The following PCDHA9 variants were observed in gnomAD, a reference collection of about 807,000 sequenced individuals.
PCDHA9 encodes the protein protocadherin alpha 9, also known as protocadherin alpha-9.
PCDHA9 carries 62 observed loss-of-function variants against 62.0 expected under a neutral mutation model. That is an observed-to-expected ratio of 1.00 (90% confidence interval 0.81 to 1.23). The LOEUF is 1.23. Ranked by LOEUF, PCDHA9 falls within the 50% of genes most tolerant of loss-of-function variation. The pLI, the probability that PCDHA9 is intolerant of heterozygous loss-of-function variation, is 0.00. For synonymous variants in PCDHA9, 557 were observed against 567.6 expected (o/e 0.98, Z 0.27); for missense variants, 1,205 against 1,249.8 (o/e 0.96, Z 0.54).
intron 1 of PCDHA9, among the ~76,000 whole-genome samples, chr5:140,881,835 G>A (rs1048266615): frequency 2.6e-5 from 4 of 152,124 alleles, no homozygotes; most frequent in Non-Finnish European, 5.9e-5. Context: ...AGTTCTGCAT[G>A]GAATTCTTAC....
At chr5:140,870,660 G>A (rs782219391) in intron 1 of PCDHA9, 3 of 1,612,516 alleles carry the variant, frequency 1.9e-6, no homozygotes, top group Non-Finnish European at 2.5e-6. Context: ...TGTACGCGCT[G>A]CAGCCGTTGG....
At chr5:140,974,804 A>G (rs2096641388) in intron 1 of PCDHA9, among the ~76,000 whole-genome samples, 1 of 152,204 alleles carries the variant, frequency 6.6e-6, no homozygotes, top group Non-Finnish European at 1.5e-5. Context: ...TTGATATACT[A>G]GAAGACCAAT....
chr5:140,917,485 C>T (rs191372458), intron 1 of PCDHA9, among the ~76,000 whole-genome samples: 1 of 152,326 alleles, frequency 6.6e-6, no homozygotes, highest in Admixed American at 6.5e-5. Flanking sequence ...TTGCCAGGGC[C>T]TATGCCCAGA....
intron 1 of PCDHA9, among the ~76,000 whole-genome samples, chr5:140,971,541 G>A (rs544682624): frequency 6.6e-6 from 1 of 152,172 alleles, no homozygotes; most frequent in Non-Finnish European, 1.5e-5. Context: ...ATCATTGCCA[G>A]ATCAACCTGT....
At chr5:141,006,372 C>T (rs781874533) in intron 3 of PCDHA9, among the ~76,000 whole-genome samples, 10 of 151,926 alleles carry the variant, frequency 6.6e-5, no homozygotes, top group Non-Finnish European at 1.0e-4. Context: ...CCACCACGCC[C>T]GGCTAAGTTT....
intron 1 of PCDHA9, chr5:140,851,385 AGTATCTATTATTTT>A: frequency 4.1e-6 from 4 of 975,218 alleles, no homozygotes; most frequent in Non-Finnish European, 5.0e-6. Flanking sequence ...AGCAACCTTC[AGTATCTATTATTTT>A]AATAAGAAAG....
chr5:140,957,327 A>G (rs1554222920), intron 1 of PCDHA9, among the ~76,000 whole-genome samples: 1 of 152,182 alleles, frequency 6.6e-6, no homozygotes, highest in East Asian at 1.9e-4. Context: ...AGCACAGTAC[A>G]GTAAGATATT....
Position 140,848,921 on chromosome 5 carries a change from C to T in PCDHA9, c.426C>T (p.Ile142=). ...CAGCGACACAAAAGAATCTGTTCAT[C>T]GCGGAATCCAGGCCGCTTGACTCTC... The part of the protein sequence containing the change: ...VFPATQKNLF[I]AESRPLDSRF... Residue 142 remains isoleucine, a synonymous_variant, in exon 1 of 4, where the codon ATC becomes ATT. Transcript: ENST00000532602. 3.7e-6 allele frequency: 6 copies of T among 1,607,754 alleles called. 1 individual carries two copies. Among genetic ancestry groups the T allele is most frequent in the Non-Finnish European group, 2.5e-6 (3 of 1,176,916 alleles).
intron 1 of PCDHA9, among the ~76,000 whole-genome samples, chr5:140,940,877 T>G (rs2092697297): frequency 2.0e-5 from 3 of 152,378 alleles, no homozygotes; most frequent in East Asian, 3.9e-4. Flanking sequence ...GAGTGAATAC[T>G]ACTGCTAGTA....
intron 1 of PCDHA9, chr5:140,967,882 C>T (rs1323816592): frequency 1.2e-6 from 2 of 1,614,108 alleles, no homozygotes. Context: ...ACCTGTATAG[C>T]CCAGTGCCTG....
intron 1 of PCDHA9, among the ~76,000 whole-genome samples, chr5:140,974,081 C>T (rs1432185201): frequency 6.6e-6 from 1 of 152,196 alleles, no homozygotes; most frequent in African/African-American, 2.4e-5. Context: ...ATAACCATGA[C>T]TTCAAAAATC....
rs1205531440 is a variant in PCDHA9, at chr5:140,868,945, T to C, written c.2394+18056T>C. On this transcript the variant is annotated intron_variant, in intron 1 of 3. Transcript: ENST00000532602. ...TTCATTTAAAGGTTGGTCTGAACAG[T>C]GAGGCACTCCCATACAAAGGAACTC... 5 of 1,284,792 alleles carry C rather than the reference T, an allele frequency of 3.9e-6. No individual in the cohort carries two copies. The Admixed American group carries it at 1.1e-4, about 28-fold the overall frequency. The allele number at this position is 1,284,792 out of a possible 1,614,324, so 79.6% of individuals were successfully genotyped here. A position where few individuals can be genotyped will look rare whatever the true frequency, so the allele number is the denominator to read the frequency against.
In PCDHA9 at chr5:140,982,572, C is replaced by T; in HGVS notation, c.2542+9C>T. On this transcript the variant is annotated intron_variant, in intron 3 of 3. Coordinates refer to ENST00000532602, the MANE Select transcript of PCDHA9 (RefSeq NM_031857.2). ...ATCCAGTGCAACACCAGGTAAAGAG[C>T]TGGGGTCTCTCCATTCTTTCTTGGT... is the stretch of plus-strand genomic sequence containing the variant. 4 of 1,613,760 alleles carry T rather than the reference C, an allele frequency of 2.5e-6. No homozygotes were observed. Among genetic ancestry groups the T allele is most frequent in the Non-Finnish European group, 3.4e-6 (4 of 1,179,726 alleles).
intron 1 of PCDHA9, chr5:140,876,344 G>T (rs1554168492): frequency 6.2e-7 from 1 of 1,614,040 alleles, no homozygotes; most frequent in Admixed American, 1.7e-5. Flanking sequence ...AGTGAGAAAT[G>T]TATGTTTTCA....
chr5:140,851,936 G>C (rs1554145612), intron 1 of PCDHA9: 1 of 965,662 alleles, frequency 1.0e-6, no homozygotes, highest in African/African-American at 1.8e-5. Flanking sequence ...CTGAATTGTA[G>C]TATGTGACTT....
At chr5:140,877,048 G>A (rs376952553) in intron 1 of PCDHA9, 2 of 1,612,558 alleles carry the variant, frequency 1.2e-6, no homozygotes, top group East Asian at 2.2e-5. Flanking sequence ...GCTAGACCAC[G>A]AGGAGCTGGA....
At chr5:140,966,622 G>C in intron 1 of PCDHA9, 1 of 854,486 alleles carries the variant, frequency 1.2e-6, no homozygotes, top group Non-Finnish European at 1.6e-6. Flanking sequence ...TACGGAGGGA[G>C]CGGCCCCAGG....
At chr5:140,893,771 T>C (rs1428542584) in intron 1 of PCDHA9, among the ~76,000 whole-genome samples, 1 of 152,186 alleles carries the variant, frequency 6.6e-6, no homozygotes, top group African/African-American at 2.4e-5. Flanking sequence ...CTTGTCACTT[T>C]TCTTTTACCG....
intron 3 of PCDHA9, 34 bp from the exon 4 acceptor site, chr5:141,009,593 C>G: frequency 6.2e-7 from 1 of 1,602,020 alleles, no homozygotes; most frequent in South Asian, 1.1e-5. Flanking sequence ...CATGTGTTGA[C>G]CCTGTTAATG....
Sources: allele counts gnomAD v4.1 joint callset (sites outside exome capture counted in the v4.1 genomes callset), GRCh38; gene constraint gnomAD v4.1.1; transcripts MANE v1.5; gene names NCBI Gene and HGNC (gene_info 2026-07-23, HGNC 2026-07-21).